KLF12: variants seen among roughly 807,000 people sequenced by gnomAD.
The protein encoded by KLF12 is Krueppel-like factor 12.
In KLF12, 9 loss-of-function variants were observed where a neutral mutation model predicts 37.8. The observed-to-expected ratio is 0.24, with a 90% confidence interval of 0.14 to 0.42. The LOEUF is 0.42. Among genes scored for constraint, KLF12 ranks in the 10% least tolerant of loss-of-function variants. KLF12 has a pLI of 1.00. For missense variants in KLF12, 411 were observed against 516.0 expected, an observed-to-expected ratio of 0.80 and a Z score of 1.97; for synonymous variants, 208 against 202.1, an observed-to-expected ratio of 1.03 and a Z score of -0.25.
chr13:73,876,876 A>G (rs939156620), intron 3 of KLF12, among the ~76,000 whole-genome samples: 3 of 151,938 alleles, frequency 2.0e-5, no homozygotes, highest in African/African-American at 7.2e-5. Context: ...TTAGCCAGGC[A>G]TGGTGGCACA....
At chr13:74,079,285 A>G (rs1410833015) in intron 1 of KLF12, among the ~76,000 whole-genome samples, 6 of 152,178 alleles carry the variant, frequency 3.9e-5, no homozygotes, top group Non-Finnish European at 1.5e-5. Flanking sequence ...AGATGAAAAA[A>G]GTTCTGGACA....
chr13:73,816,514 C>A (rs968233038), intron 4 of KLF12, among the ~76,000 whole-genome samples: 4 of 152,166 alleles, frequency 2.6e-5, no homozygotes, highest in African/African-American at 9.7e-5. Flanking sequence ...TTCCATGTGT[C>A]AAAATCCTGG....
intron 5 of KLF12, among the ~76,000 whole-genome samples, chr13:73,781,003 G>A (rs963814856): frequency 2.6e-5 from 4 of 152,174 alleles, no homozygotes; most frequent in African/African-American, 9.7e-5. Context: ...CTCCATGGAC[G>A]CAGCAACCCT....
chr13:73,854,212 T>G (rs1253161870), intron 3 of KLF12, among the ~76,000 whole-genome samples: 1 of 152,240 alleles, frequency 6.6e-6, no homozygotes, highest in Non-Finnish European at 1.5e-5. Flanking sequence ...ACCTGTTGTA[T>G]AGACTTTTAG....
In KLF12 at chr13:74,074,521, C is replaced by T. The variant is rs117961292; in HGVS notation, c.-32+59218G>A. On this transcript the variant is annotated intron_variant, in intron 1 of 7. Transcript: ENST00000377669. ...TGGATCCCAGGTACCAGGTACCATT[C>T]CAATGCTTGGAATGTTCCTGGATAT... is the stretch of plus-strand genomic sequence containing the variant. 8.6e-3 allele frequency among the ~76,000 whole-genome samples: 1,312 copies of T among 152,264 alleles called. 13 individuals carry two copies. Among genetic ancestry groups the T allele is most frequent in the Middle Eastern group, 0.014 (4 of 294 alleles).
the KLF12 span, among the ~76,000 whole-genome samples, chr13:74,186,250 C>G: frequency 6.6e-6 from 1 of 152,120 alleles, no homozygotes. Flanking sequence ...GCAACAGCTT[C>G]TCTTCCTGGT....
At chr13:74,302,864 GAGTGCTGTGTGCTCTTCTC>G in the KLF12 span, among the ~76,000 whole-genome samples, 2 of 152,092 alleles carry the variant, frequency 1.3e-5, no homozygotes, top group Admixed American at 1.3e-4. Context: ...AAGGGGAAAT[GAGTGCTGTGTGCTCTTCTC>G]TGTCACCATG....
At chr13:73,930,008 C>T (rs1043126424) in intron 3 of KLF12, among the ~76,000 whole-genome samples, 1 of 152,168 alleles carries the variant, frequency 6.6e-6, no homozygotes, top group Non-Finnish European at 1.5e-5. Flanking sequence ...CCACTACACA[C>T]CCTGATCACA....
At position 73,772,581 on chromosome 13, in the gene KLF12, GC is replaced by G. The variant is rs1258037804; in HGVS notation, c.807-7582del. On this transcript the variant is annotated intron_variant, in intron 5 of 7. Coordinates refer to ENST00000377669, the MANE Select transcript of KLF12 (RefSeq NM_007249.5). ...CCAAAGGGTAGGAATGTGTCCAATA[GC>G]AAAACCACAAATTGGTGTAGACAAC... Among the ~76,000 whole-genome samples, 4 of 152,290 alleles carry G rather than the reference GC, an allele frequency of 2.6e-5. No individual in the cohort carries two copies. In the East Asian group the frequency reaches 7.7e-4, roughly 29 times the overall value.
At chr13:73,715,080 G>A (rs1052375727) in intron 7 of KLF12, among the ~76,000 whole-genome samples, 4 of 152,112 alleles carry the variant, frequency 2.6e-5, no homozygotes, top group South Asian at 2.1e-4. Flanking sequence ...GATGTGCCAC[G>A]TGGACATTTT....
the KLF12 span, among the ~76,000 whole-genome samples, chr13:74,266,979 T>C: frequency 6.6e-6 from 1 of 152,162 alleles, no homozygotes; most frequent in Non-Finnish European, 1.5e-5. Flanking sequence ...TGGAAAAATA[T>C]TAGTGTACCA....
chr13:74,137,805 G>T (rs1421911907), upstream of KLF12, among the ~76,000 whole-genome samples: 1 of 152,050 alleles, frequency 6.6e-6, no homozygotes, highest in African/African-American at 2.4e-5. Context: ...TTGTTGCCCA[G>T]GCTGGAGTGC....
intron 1 of KLF12, among the ~76,000 whole-genome samples, chr13:74,007,102 G>A (rs141297491): frequency 7.2e-5 from 11 of 151,902 alleles, no homozygotes; most frequent in South Asian, 2.1e-4. Context: ...ATCTCCTCAC[G>A]TAGACACAAG....
chr13:73,899,631 T>C (rs1031018620), intron 3 of KLF12, among the ~76,000 whole-genome samples: 1 of 152,074 alleles, frequency 6.6e-6, no homozygotes, highest in African/African-American at 2.4e-5. Context: ...TCCGCACTTA[T>C]CCAATGTAGG....
the KLF12 span, among the ~76,000 whole-genome samples, chr13:74,222,051 C>A: frequency 6.6e-6 from 1 of 152,188 alleles, no homozygotes; most frequent in African/African-American, 2.4e-5. Context: ...GTGAGAGGAG[C>A]TAGATGGTAA....
At chr13:74,071,269 T>C (rs1423055586) in intron 1 of KLF12, among the ~76,000 whole-genome samples, 2 of 152,186 alleles carry the variant, frequency 1.3e-5, no homozygotes, top group African/African-American at 4.8e-5. Flanking sequence ...CACAGGAGTA[T>C]TTTATTAAAA....
chr13:73,977,978 G>C (rs913593878), intron 2 of KLF12, among the ~76,000 whole-genome samples: 9 of 152,122 alleles, frequency 5.9e-5, no homozygotes, highest in Non-Finnish European at 1.5e-5. Flanking sequence ...ACTCCAAACA[G>C]ATCACAGACC....
At chr13:74,020,026 AAAG>A (rs1440334751) in intron 1 of KLF12, among the ~76,000 whole-genome samples, 1 of 152,260 alleles carries the variant, frequency 6.6e-6, no homozygotes, top group Non-Finnish European at 1.5e-5. Context: ...CTGGGAAAGA[AAAG>A]AAGAAAAACC....
chr13:74,025,520 A>G (rs752535788), intron 1 of KLF12, among the ~76,000 whole-genome samples: 2 of 152,016 alleles, frequency 1.3e-5, no homozygotes, highest in Non-Finnish European at 2.9e-5. Context: ...GGTTGTGAAC[A>G]TTAGTGAGTT....
Sources: allele counts gnomAD v4.1 joint callset (sites outside exome capture counted in the v4.1 genomes callset), GRCh38; gene constraint gnomAD v4.1.1; transcripts MANE v1.5; gene names NCBI Gene and HGNC (gene_info 2026-07-23, HGNC 2026-07-21).